LGR4: variants seen among roughly 807,000 people sequenced by gnomAD.
The protein encoded by LGR4 is leucine-rich repeat-containing G protein-coupled receptor 4.
A neutral mutation model predicts 84.8 loss-of-function variants in LGR4; 44 were observed. The observed-to-expected ratio is 0.52, with a 90% CI of 0.41 to 0.67. The LOEUF (loss-of-function observed/expected upper bound fraction) is 0.67. LGR4 is among the 30% of genes least tolerant of loss of function. The pLI is 0.00. For missense variants in LGR4, 1,032 were observed against 1,131.4 expected (o/e 0.91, Z 1.26); for synonymous variants, 429 against 434.3 (o/e 0.99, Z 0.15).
rs761998521 is a variant in LGR4, at chr11:27,374,022, A to C, written c.1206T>G (p.His402Gln). Residue 402 changes from histidine to glutamine, a missense_variant, in exon 14 of 18, where the codon CAT (histidine) becomes CAG (glutamine). Physicochemically the swap from His to Gln is conservative, Grantham distance 24. Transcript: ENST00000379214. Reference sequence around the variant, plus strand: ...TGGCAAAAGCTCTACTGTGAATTTCATGTATCAGGTTTCTACTCAGATCTC... The same window carrying C: ...TGGCAAAAGCTCTACTGTGAATTTCCTGTATCAGGTTTCTACTCAGATCTC... ...RILDLSRNLI[H>Q]EIHSRAFATL... 6.2e-7 allele frequency: 1 copy of C among 1,611,788 alleles called. No individual in the cohort carries two copies. Among genetic ancestry groups the C allele is most frequent in the South Asian group, 1.1e-5 (1 of 91,018 alleles).
chr11:27,388,209 C>T (rs370398103), intron 4 of LGR4, among the ~76,000 whole-genome samples: 2 of 152,046 alleles, frequency 1.3e-5, no homozygotes, highest in South Asian at 2.1e-4. Flanking sequence ...ATGGTTAATC[C>T]TTATCTCTCA....
At chr11:27,382,703 G>A (rs1013076681) in intron 6 of LGR4, among the ~76,000 whole-genome samples, 3 of 152,174 alleles carry the variant, frequency 2.0e-5, no homozygotes, top group Non-Finnish European at 4.4e-5. Flanking sequence ...TCCACCATCA[G>A]CGTGATGACC....
chr11:27,401,876 A>G (rs553499621), intron 2 of LGR4, among the ~76,000 whole-genome samples: 1 of 152,324 alleles, frequency 6.6e-6, no homozygotes, highest in Non-Finnish European at 1.5e-5. Flanking sequence ...ATAAGTACAC[A>G]CTGACACACT....
chr11:27,415,565 T>C (rs1863800652), intron 1 of LGR4, among the ~76,000 whole-genome samples: 3 of 152,154 alleles, frequency 2.0e-5, no homozygotes, highest in African/African-American at 7.2e-5. Context: ...CAAACTAACA[T>C]ATGTAAAACA....
intron 17 of LGR4, among the ~76,000 whole-genome samples, chr11:27,371,270 G>A (rs1862877955): frequency 6.6e-6 from 1 of 152,210 alleles, no homozygotes; most frequent in African/African-American, 2.4e-5. Context: ...GAAAGGCAAG[G>A]CTACATTAAG....
intron 2 of LGR4, among the ~76,000 whole-genome samples, chr11:27,409,340 C>T (rs1321869076): frequency 2.6e-5 from 4 of 152,084 alleles, no homozygotes; most frequent in African/African-American, 9.7e-5. Flanking sequence ...TCATGAACTC[C>T]AATAAGGCCC....
At chr11:27,449,943 C>T (rs553861346) in intron 1 of LGR4, among the ~76,000 whole-genome samples, 1 of 152,194 alleles carries the variant, frequency 6.6e-6, no homozygotes. Flanking sequence ...AAGTTGGTTC[C>T]CCTAGAAGCT....
intron 15 of LGR4, chr11:27,372,949 T>G (rs1421580657): frequency 6.6e-6 from 1 of 152,364 alleles, no homozygotes; most frequent in African/African-American, 2.4e-5. Context: ...AGCCTAGAAC[T>G]CCCAGGCTGA....
intron 1 of LGR4, among the ~76,000 whole-genome samples, chr11:27,416,741 T>G (rs1036888195): frequency 6.6e-6 from 1 of 152,114 alleles, no homozygotes; most frequent in African/African-American, 2.4e-5. Context: ...CACATCACCT[T>G]CCTAGAAAAA....
At chr11:27,457,554 T>C (rs889948213) in intron 1 of LGR4, among the ~76,000 whole-genome samples, 1 of 152,222 alleles carries the variant, frequency 6.6e-6, no homozygotes, top group East Asian at 1.9e-4. Context: ...ATTGTGACTA[T>C]AAGTAATTGG....
intron 1 of LGR4, among the ~76,000 whole-genome samples, chr11:27,428,432 C>T (rs114811442): frequency 0.015 from 2,224 of 152,330 alleles, 60 homozygotes; most frequent in African/African-American, 0.05. Flanking sequence ...AGCCACCACG[C>T]CCGGCCTATC....
At chr11:27,435,557 G>A (rs1174585925) in intron 1 of LGR4, among the ~76,000 whole-genome samples, 5 of 150,528 alleles carry the variant, frequency 3.3e-5, no homozygotes, top group Non-Finnish European at 5.9e-5. Context: ...GTGCAATCTC[G>A]GTTCACTGCA....
intron 4 of LGR4, among the ~76,000 whole-genome samples, chr11:27,386,359 G>A (rs1863188078): frequency 6.6e-6 from 1 of 152,204 alleles, no homozygotes; most frequent in African/African-American, 2.4e-5. Flanking sequence ...GTATTAATAT[G>A]ATGAGGGACA....
chr11:27,455,917 A>G (rs182109931), intron 1 of LGR4, among the ~76,000 whole-genome samples: 4 of 152,308 alleles, frequency 2.6e-5, no homozygotes, highest in Non-Finnish European at 4.4e-5. Context: ...TTGGAGGCCT[A>G]TTGGGAGGAT....
intron 1 of LGR4, among the ~76,000 whole-genome samples, chr11:27,455,832 T>C (rs1005165932): frequency 6.6e-6 from 1 of 152,198 alleles, no homozygotes; most frequent in African/African-American, 2.4e-5. Flanking sequence ...GCAAAACCTC[T>C]CATTACTAGT....
In LGR4 at chr11:27,472,102, C is replaced by T. The variant is rs1291471820; in HGVS notation, c.185+16G>A. The T allele has an allele frequency of 2.3e-6, 3 of 1,299,624 alleles. No individual in the cohort carries two copies. Among genetic ancestry groups the T allele is most frequent in the Non-Finnish European group, 2.9e-6 (3 of 1,025,360 alleles). The allele number at this position is 1,299,624 out of a possible 1,614,324, so 80.5% of individuals were successfully genotyped here. A position where few individuals can be genotyped will look rare whatever the true frequency, so the allele number is the denominator to read the frequency against. Reference sequence around the variant, plus strand: ...GTTTCCTCCCCCCCCCTCGCGTCCCCGCCGCCCGCACTCACAGCGCTTGGG... The same window carrying T: ...GTTTCCTCCCCCCCCCTCGCGTCCCTGCCGCCCGCACTCACAGCGCTTGGG... On this transcript the variant is annotated intron_variant, in intron 1 of 17. Transcript: ENST00000379214.
chr11:27,462,664 C>T (rs576272140), intron 1 of LGR4, among the ~76,000 whole-genome samples: 42 of 152,032 alleles, frequency 2.8e-4, no homozygotes, highest in Non-Finnish European at 5.1e-4. Context: ...CTTAGTCACT[C>T]CCACAAGAAA....
chr11:27,454,002 T>G (rs1159214573), intron 1 of LGR4, among the ~76,000 whole-genome samples: 2 of 152,218 alleles, frequency 1.3e-5, no homozygotes, highest in African/African-American at 2.4e-5. Context: ...GAAACATTTA[T>G]AATACAATCT....
At chr11:27,413,881 C>A (rs1269125468) in intron 1 of LGR4, among the ~76,000 whole-genome samples, 1 of 152,132 alleles carries the variant, frequency 6.6e-6, no homozygotes, top group Non-Finnish European at 1.5e-5. Context: ...AAGGAGGCGA[C>A]ACCTTCAGTA....
Sources: gnomAD v4.1 joint callset for allele counts (sites outside exome capture counted in the v4.1 genomes callset) on GRCh38, gnomAD v4.1.1 for gene constraint, MANE v1.5 for transcripts, NCBI Gene and HGNC (gene_info 2026-07-23, HGNC 2026-07-21) for gene names.